Variants in LINGO2 observed in about 807,000 individuals in gnomAD.
The protein encoded by LINGO2 is leucine-rich repeat and immunoglobulin-like domain-containing nogo receptor-interacting protein 2.
Under a neutral mutation model 30.6 loss-of-function variants are expected in LINGO2, and 14 were observed. That is an observed-to-expected ratio of 0.46 (90% CI 0.30 to 0.72). LINGO2 has a LOEUF of 0.72. LINGO2 is among the 30% of genes least tolerant of loss of function. The probability of loss-of-function intolerance (pLI) is 0.07; values close to 1 mark genes in which losing one functional copy is unlikely to be tolerated. For missense variants in LINGO2, 729 were observed against 751.7 expected (o/e 0.97, Z 0.35); for synonymous variants, 317 against 288.5 (o/e 1.10, Z -1.00).
At chr9:28,464,087 C>G (rs981406364) in intron 2 of LINGO2, among the ~76,000 whole-genome samples, 1 of 152,104 alleles carries the variant, frequency 6.6e-6, no homozygotes, top group Non-Finnish European at 1.5e-5. Flanking sequence ...ATATTCTGTT[C>G]AGGGAAACGA....
chr9:28,535,717 C>T (rs1000872347), intron 1 of LINGO2, among the ~76,000 whole-genome samples: 22 of 142,806 alleles, frequency 1.5e-4, no homozygotes, highest in Middle Eastern at 3.6e-3. Flanking sequence ...CACACACACA[C>T]GTGTGGACGC....
At chr9:29,008,781 T>G in the LINGO2 span, among the ~76,000 whole-genome samples, 1 of 152,152 alleles carries the variant, frequency 6.6e-6, no homozygotes, top group South Asian at 2.1e-4. Context: ...GTTGTTTGAT[T>G]TTTTTCTTGT....
intron 4 of LINGO2, among the ~76,000 whole-genome samples, chr9:28,228,384 G>A (rs1454615651): frequency 3.3e-5 from 5 of 151,868 alleles, no homozygotes; most frequent in African/African-American, 7.2e-5. Flanking sequence ...GGAATTGTAC[G>A]AACTAAATCA....
the LINGO2 span, among the ~76,000 whole-genome samples, chr9:28,946,200 T>C: frequency 1.3e-5 from 2 of 152,184 alleles, no homozygotes; most frequent in African/African-American, 2.4e-5. Flanking sequence ...GGCTAAAAGA[T>C]GTTTAGTAAC....
At chr9:29,185,276 T>C in the LINGO2 span, among the ~76,000 whole-genome samples, 1 of 152,088 alleles carries the variant, frequency 6.6e-6, no homozygotes, top group Admixed American at 6.5e-5. Flanking sequence ...CCCCTCAGAA[T>C]AGTACTCTAT....
the LINGO2 span, among the ~76,000 whole-genome samples, chr9:28,876,014 T>C: frequency 6.6e-6 from 1 of 152,036 alleles, no homozygotes; most frequent in Non-Finnish European, 1.5e-5. Context: ...CAACTAACAA[T>C]AAAAGTATAC....
the LINGO2 span, among the ~76,000 whole-genome samples, chr9:29,002,112 T>A: frequency 1.4e-4 from 21 of 152,006 alleles, no homozygotes; most frequent in Non-Finnish European, 2.8e-4. Flanking sequence ...ACAATCTGAG[T>A]CTTTTAGTCA....
chr9:28,178,580 A>G (rs1408611810), intron 4 of LINGO2, among the ~76,000 whole-genome samples: 1 of 152,180 alleles, frequency 6.6e-6, no homozygotes, highest in African/African-American at 2.4e-5. Flanking sequence ...TTTGGTGATA[A>G]CAGGAAATTA....
chr9:28,024,980 C>A (rs1394550039), intron 4 of LINGO2, among the ~76,000 whole-genome samples: 1 of 152,174 alleles, frequency 6.6e-6, no homozygotes, highest in Non-Finnish European at 1.5e-5. Context: ...TGCTGCCTAG[C>A]ACCCGGGCGA....
At chr9:28,797,355 T>TAGAGAGAGAGAGAGAG in the LINGO2 span, among the ~76,000 whole-genome samples, 382 of 59,142 alleles carry the variant, frequency 6.5e-3, 4 homozygotes, top group Non-Finnish European at 9.5e-3. Context: ...TATATATATA[T>TAGAGAGAGAGAGAGAG]ATATAGAGAG....
At chr9:28,049,798 C>G (rs35925874) in intron 4 of LINGO2, among the ~76,000 whole-genome samples, 3,503 of 150,488 alleles carry the variant, frequency 0.023, 150 homozygotes, top group Non-Finnish European at 0.037. Context: ...AGGAGACAAT[C>G]AGATCATGGA....
intron 1 of LINGO2, among the ~76,000 whole-genome samples, chr9:28,588,099 T>C (rs1306710670): frequency 1.3e-5 from 2 of 151,934 alleles, no homozygotes; most frequent in African/African-American, 2.4e-5. Flanking sequence ...AAGAATCATA[T>C]AAGGATTTGA....
the LINGO2 span, among the ~76,000 whole-genome samples, chr9:28,952,579 G>A: frequency 6.6e-6 from 1 of 152,094 alleles, no homozygotes; most frequent in Non-Finnish European, 1.5e-5. Context: ...GAAACTGCGA[G>A]GACTTGCATC....
At chr9:27,949,472 G>T in exon 6 of LINGO2, 1 of 1,614,056 alleles carries the variant, frequency 6.2e-7, no homozygotes, top group Non-Finnish European at 8.5e-7. Flanking sequence ...AAAAAGAAAG[G>T]GCAGTGCTAT....
At chr9:28,871,747 G>C in the LINGO2 span, among the ~76,000 whole-genome samples, 1 of 151,750 alleles carries the variant, frequency 6.6e-6, no homozygotes, top group African/African-American at 2.4e-5. Flanking sequence ...AAGAATGAGA[G>C]ACGTTGGTTC....
At chr9:27,952,726 A>T (rs1249245321) in intron 5 of LINGO2, among the ~76,000 whole-genome samples, 1 of 152,084 alleles carries the variant, frequency 6.6e-6, no homozygotes, top group African/African-American at 2.4e-5. Context: ...TTGCATACTA[A>T]CTTTACTTCT....
At chr9:28,791,904 C>T in the LINGO2 span, among the ~76,000 whole-genome samples, 2 of 151,316 alleles carry the variant, frequency 1.3e-5, no homozygotes, top group Non-Finnish European at 3.0e-5. Context: ...CTGGATATTA[C>T]AGGAATATAT....
chr9:28,831,253 G>A, the LINGO2 span, among the ~76,000 whole-genome samples: 1 of 152,034 alleles, frequency 6.6e-6, no homozygotes, highest in African/African-American at 2.4e-5. Flanking sequence ...AAGTTTACAG[G>A]GAGTTTTAAT....
intron 2 of LINGO2, among the ~76,000 whole-genome samples, chr9:28,458,152 G>C (rs1410894750): frequency 3.9e-5 from 6 of 152,116 alleles, no homozygotes; most frequent in Non-Finnish European, 7.4e-5. Flanking sequence ...TTTAACCTTA[G>C]ATCACAACAT....
Sources: gnomAD v4.1 joint callset for allele counts (sites outside exome capture counted in the v4.1 genomes callset) on GRCh38, gnomAD v4.1.1 for gene constraint, MANE v1.5 for transcripts, NCBI Gene and HGNC (gene_info 2026-07-23, HGNC 2026-07-21) for gene names.